CFDP1: variants seen among roughly 807,000 people sequenced by gnomAD.
CFDP1 encodes the protein heterochromatin-stabilizing protein CFDP1.
A neutral mutation model predicts 40.1 loss-of-function variants in CFDP1; 31 were observed. That is an observed-to-expected ratio of 0.77 (90% confidence interval 0.58 to 1.04). The LOEUF (loss-of-function observed/expected upper bound fraction) is 1.04. CFDP1 is among the 50% of genes least tolerant of loss of function. The probability of loss-of-function intolerance (pLI) is 0.00; values close to 1 mark genes in which losing one functional copy is unlikely to be tolerated. For missense variants in CFDP1, 423 were observed against 343.4 expected, an observed-to-expected ratio of 1.23 and a Z score of -1.83; for synonymous variants, 167 against 120.0, an observed-to-expected ratio of 1.39 and a Z score of -2.56.
rs146841285 is a variant in CFDP1, at chr16:75,403,416, T to C, written c.531-8207A>G. 4.5e-3 allele frequency among the ~76,000 whole-genome samples: 688 copies of C among 152,160 alleles called. 2 individuals carry two copies. The highest frequency in any genetic ancestry group is 0.015 in the African/African-American group (638 of 41,528). ...ATATTTTTTGTAGAAATGGAGTTTC[T>C]CCATGTTGCCCAGGCTGGTCTTCAA... On this transcript the variant is annotated intron_variant, in intron 4 of 6. Transcript: ENST00000283882.
rs369770066 is a variant in CFDP1 at position 75,294,952 on chromosome 16, T to C, written c.810-910A>G. Among the ~76,000 whole-genome samples the C allele has an allele frequency of 4.4e-3, 677 of 152,254 alleles. 4 individuals carry two copies. The highest frequency in any genetic ancestry group is 0.015 in the African/African-American group (611 of 41,560). On this transcript the variant is annotated intron_variant, in intron 6 of 6. Coordinates refer to ENST00000283882, the MANE Select transcript of CFDP1 (RefSeq NM_006324.3). ...AGACACAGCTGCATCTTAATGCACC[T>C]CCTCACCATAAAGCGTGCTGCGATT... is the stretch of plus-strand genomic sequence containing the variant.
chr16:75,418,626 T>G lies in CFDP1; in HGVS notation c.65-3931A>C, dbSNP rs1437418354. The stretch of plus-strand genomic sequence containing the variant: ...GCCCGGCTAACCCTTTTTAAGTATT[T>G]CCTAGTTTTGTCCACTACACAAACG... On this transcript the variant is annotated intron_variant, in intron 1 of 6. Transcript: ENST00000283882. Among the ~76,000 whole-genome samples, 4 of 151,922 alleles carry G rather than the reference T, an allele frequency of 2.6e-5. No individual in the cohort carries two copies. In the East Asian group the frequency reaches 7.8e-4, roughly 30 times the overall value.
chr16:75,388,307 A>C, intron 5 of CFDP1, among the ~76,000 whole-genome samples: 1 of 152,204 alleles, frequency 6.6e-6, no homozygotes. Flanking sequence ...AATAGACATT[A>C]TTTATTCTTT....
At chr16:75,392,719 A>G (rs2078962368) in intron 5 of CFDP1, among the ~76,000 whole-genome samples, 1 of 152,210 alleles carries the variant, frequency 6.6e-6, no homozygotes, top group Non-Finnish European at 1.5e-5. Context: ...GCTGGAAAAC[A>G]GTATTTACTC....
chr16:75,402,575 C>A (rs1188002437), intron 4 of CFDP1, among the ~76,000 whole-genome samples: 1 of 152,220 alleles, frequency 6.6e-6, no homozygotes, highest in African/African-American at 2.4e-5. Flanking sequence ...TGTGCTAACA[C>A]TACCTTACAC....
intron 1 of CFDP1, among the ~76,000 whole-genome samples, chr16:75,417,367 A>C (rs765419356): frequency 6.6e-6 from 1 of 152,188 alleles, no homozygotes; most frequent in African/African-American, 2.4e-5. Flanking sequence ...TGGTCCATCT[A>C]AATAATGGAA....
At chr16:75,414,019 C>G (rs1179721829) in intron 2 of CFDP1, among the ~76,000 whole-genome samples, 3 of 152,050 alleles carry the variant, frequency 2.0e-5, no homozygotes, top group Admixed American at 2.0e-4. Context: ...CTGCACTCTT[C>G]TTTGTTGTAG....
chr16:75,410,803 G>T (rs2079154068), intron 4 of CFDP1, among the ~76,000 whole-genome samples: 1 of 151,660 alleles, frequency 6.6e-6, no homozygotes, highest in Non-Finnish European at 1.5e-5. Flanking sequence ...CAGCTACTCG[G>T]GAGGCTGAGA....
intron 5 of CFDP1, among the ~76,000 whole-genome samples, chr16:75,359,626 G>A (rs954579849): frequency 3.9e-5 from 6 of 152,284 alleles, no homozygotes; most frequent in African/African-American, 1.4e-4. Context: ...TGACCTGTAT[G>A]CAATTGCCCT....
intron 5 of CFDP1, among the ~76,000 whole-genome samples, chr16:75,345,171 A>G (rs1363239376): frequency 6.6e-6 from 1 of 151,346 alleles, no homozygotes; most frequent in East Asian, 2.0e-4. Context: ...ACAAAAATAA[A>G]ACAGGCTGGG....
intron 5 of CFDP1, among the ~76,000 whole-genome samples, chr16:75,331,591 A>G (rs1277703546): frequency 2.6e-5 from 4 of 152,218 alleles, no homozygotes; most frequent in African/African-American, 7.2e-5. Context: ...ATAATCACAG[A>G]TAAGTTCTAC....
intron 5 of CFDP1, among the ~76,000 whole-genome samples, chr16:75,373,761 T>C (rs2078771172): frequency 6.6e-6 from 1 of 152,204 alleles, no homozygotes; most frequent in South Asian, 2.1e-4. Flanking sequence ...GAAGCCATTT[T>C]GTCCTTTACA....
At chr16:75,318,682 G>C (rs573646062) in intron 5 of CFDP1, among the ~76,000 whole-genome samples, 1 of 152,158 alleles carries the variant, frequency 6.6e-6, no homozygotes, top group African/African-American at 2.4e-5. Flanking sequence ...GGGATTACAG[G>C]CGTGAGCCAC....
intron 5 of CFDP1, among the ~76,000 whole-genome samples, chr16:75,308,864 G>C (rs1381174393): frequency 6.6e-6 from 1 of 152,086 alleles, no homozygotes; most frequent in East Asian, 1.9e-4. Context: ...CAGCAGTGAG[G>C]TTTCCAGAAA....
chr16:75,402,757 G>C (rs753460309), intron 4 of CFDP1, among the ~76,000 whole-genome samples: 1 of 152,050 alleles, frequency 6.6e-6, no homozygotes, highest in Non-Finnish European at 1.5e-5. Flanking sequence ...TGAAAATTCA[G>C]ATCTCGTAAG....
intron 1 of CFDP1, among the ~76,000 whole-genome samples, chr16:75,421,468 T>C (rs188409777): frequency 5.6e-4 from 85 of 152,176 alleles, no homozygotes; most frequent in Admixed American, 5.1e-3. Context: ...GAAAAAAAGA[T>C]AGTAAGAATC....
Position 75,316,763 on chromosome 16 carries a change from A to G in CFDP1, c.651-11581T>C, listed in dbSNP as rs192006848. Among the ~76,000 whole-genome samples the G allele has an allele frequency of 3.9e-3, 597 of 152,210 alleles. 12 individuals are homozygous for G. Among genetic ancestry groups the G allele is most frequent in the Admixed American group, 3.7e-3 (56 of 15,292 alleles). The stretch of plus-strand genomic sequence containing the variant: ...GGCGGGCGGATCACCTGAGGTCAGG[A>G]GTTCGAGACCAGCCTGACCAACACA... On this transcript the variant is annotated intron_variant, in intron 5 of 6. Coordinates refer to ENST00000283882, the MANE Select transcript of CFDP1 (RefSeq NM_006324.3).
chr16:75,300,467 A>AAAT (rs2078214546), intron 6 of CFDP1, among the ~76,000 whole-genome samples: 1 of 151,986 alleles, frequency 6.6e-6, no homozygotes, highest in South Asian at 2.1e-4. Context: ...TTTGTATTTC[A>AAAT]GTAGAGATGG....
At chr16:75,354,113 T>A (rs2078630720) in intron 5 of CFDP1, among the ~76,000 whole-genome samples, 1 of 152,236 alleles carries the variant, frequency 6.6e-6, no homozygotes, top group Non-Finnish European at 1.5e-5. Context: ...CACTTTATTA[T>A]AAAATAGACT....
Sources: allele counts gnomAD v4.1 joint callset (sites outside exome capture counted in the v4.1 genomes callset), GRCh38; gene constraint gnomAD v4.1.1; transcripts MANE v1.5; gene names NCBI Gene and HGNC (gene_info 2026-07-23, HGNC 2026-07-21).